CCDC170: variants seen among roughly 807,000 people sequenced by gnomAD.
The protein encoded by CCDC170 is coiled-coil domain containing 170.
A neutral mutation model predicts 72.6 loss-of-function variants in CCDC170; 69 were observed. The ratio of observed to expected loss-of-function variants is 0.95; its 90% CI spans 0.78 to 1.16. The LOEUF is 1.16. Among genes scored for constraint, CCDC170 ranks in the 50% most tolerant of loss-of-function variants. CCDC170 has a pLI of 0.00. For synonymous variants in CCDC170, 300 were observed against 303.9 expected (o/e 0.99, Z 0.13); for missense variants, 852 against 832.5 (o/e 1.02, Z -0.29).
chr6:151,542,584 C>T (rs993966368), intron 3 of CCDC170, among the ~76,000 whole-genome samples: 1 of 152,206 alleles, frequency 6.6e-6, no homozygotes, highest in African/African-American at 2.4e-5. Context: ...TGTACTCAAT[C>T]ACTTTGGCTA....
intron 1 of CCDC170, among the ~76,000 whole-genome samples, chr6:151,518,220 T>C (rs939063040): frequency 1.3e-5 from 2 of 152,126 alleles, no homozygotes; most frequent in Non-Finnish European, 2.9e-5. Flanking sequence ...CAGGCTGAGA[T>C]GGAGTGTTGC....
At chr6:151,520,175 A>G (rs1267709923) in intron 1 of CCDC170, among the ~76,000 whole-genome samples, 1 of 152,188 alleles carries the variant, frequency 6.6e-6, no homozygotes, top group Non-Finnish European at 1.5e-5. Flanking sequence ...TGAGTAGGGG[A>G]GGGAGGAAGA....
At chr6:151,596,185 C>T in intron 8 of CCDC170, 150 bp from the exon 9 acceptor site, 2 of 966,992 alleles carry the variant, frequency 2.1e-6, no homozygotes, top group Non-Finnish European at 2.9e-6. Context: ...GTAAAAAATG[C>T]AATCAGGAAA....
chr6:151,504,787 C>T (rs996856210), intron 1 of CCDC170, among the ~76,000 whole-genome samples: 5 of 151,744 alleles, frequency 3.3e-5, no homozygotes, highest in Admixed American at 2.0e-4. Context: ...TTGGGAGCTA[C>T]TAGATACTGG....
chr6:151,581,140 A>G (rs938946897), intron 6 of CCDC170, among the ~76,000 whole-genome samples: 7 of 152,220 alleles, frequency 4.6e-5, no homozygotes, highest in African/African-American at 1.4e-4. Flanking sequence ...ATTTCTTAAA[A>G]TAAGACAACA....
At position 151,620,996 on chromosome 6, in the gene CCDC170, T is replaced by A. The variant is rs1013278988; in HGVS notation, c.*2849T>A. The A allele has an allele frequency of 4.6e-5, 7 of 152,218 alleles. No homozygotes were observed. The highest frequency in any genetic ancestry group is 1.7e-4 in the African/African-American group (7 of 41,458). The allele number at this position is 152,218 out of a possible 1,614,324, so 9.4% of individuals were successfully genotyped here. A position where few individuals can be genotyped will look rare whatever the true frequency, so the allele number is the denominator to read the frequency against. ...GTGATCTTTAACATACACAGAATGA[T>A]CTACAGTGATCTTTAACATACTCAG... is the stretch of plus-strand genomic sequence containing the variant. On this transcript the variant is annotated 3_prime_UTR_variant, in exon 11 of 11. Transcript: ENST00000239374.
rs929577845 is a variant in CCDC170 at position 151,494,076 on chromosome 6, C to T, written c.-53C>T. On this transcript the variant is annotated 5_prime_UTR_variant, in exon 1 of 11. Transcript: ENST00000239374. ...GCCACCCGCCGGCTCCCGGCGCCGC[C>T]GCTTCCTCAGGGCCGGTTCCGGGTC... 2.8e-6 allele frequency: 4 copies of T among 1,445,822 alleles called. No homozygotes were observed. The highest frequency in any genetic ancestry group is 2.8e-5 in the Admixed American group (1 of 36,178). 89.6% of individuals were successfully genotyped at this position (1,445,822 alleles called of 1,614,324 possible).
At chr6:151,565,429 G>A (rs1042873308) in intron 5 of CCDC170, among the ~76,000 whole-genome samples, 11 of 152,156 alleles carry the variant, frequency 7.2e-5, no homozygotes, top group Non-Finnish European at 1.2e-4. Flanking sequence ...GACGCTGCAG[G>A]TCTGTCACTC....
chr6:151,592,240 A>G (rs905930870), intron 7 of CCDC170, among the ~76,000 whole-genome samples: 1 of 152,084 alleles, frequency 6.6e-6, no homozygotes, highest in African/African-American at 2.4e-5. Context: ...CGTGCCTGTA[A>G]TCCCAGCTAC....
intron 6 of CCDC170, among the ~76,000 whole-genome samples, chr6:151,584,601 G>GT (rs983132313): frequency 3.9e-5 from 6 of 152,102 alleles, no homozygotes; most frequent in Non-Finnish European, 7.4e-5. Context: ...ACAGGGGATT[G>GT]TTTTTTGCCT....
intron 1 of CCDC170, 112 bp from the exon 2 acceptor site, chr6:151,536,206 A>G: frequency 1.6e-6 from 2 of 1,225,512 alleles, no homozygotes; most frequent in East Asian, 2.4e-5. Flanking sequence ...CATGTTTGAC[A>G]TATTTGGAAT....
intron 1 of CCDC170, among the ~76,000 whole-genome samples, chr6:151,519,335 G>C (rs1455265895): frequency 1.3e-5 from 2 of 152,194 alleles, no homozygotes; most frequent in Non-Finnish European, 2.9e-5. Flanking sequence ...TCTGCAAGAA[G>C]AAAAATATGG....
intron 7 of CCDC170, among the ~76,000 whole-genome samples, chr6:151,587,547 A>G (rs1776472031): frequency 6.6e-6 from 1 of 152,174 alleles, no homozygotes; most frequent in Non-Finnish European, 1.5e-5. Flanking sequence ...AAATGCCCTA[A>G]AGTTGAAACA....
Position 151,561,065 on chromosome 6 carries a change from A to AT in CCDC170, c.775-12100dup, listed in dbSNP as rs554918665. Among the ~76,000 whole-genome samples the AT allele has an allele frequency of 1.4e-3, 219 of 151,034 alleles. 2 individuals are homozygous for AT. Among genetic ancestry groups the AT allele is most frequent in the Admixed American group, 0.012 (177 of 15,158 alleles). Reference sequence around the variant, plus strand: ...AATTATTTTAATTTTTATCTAGTAAATTTTTTTTTAAAATTGTGTGGGTAC... The same window carrying AT: ...AATTATTTTAATTTTTATCTAGTAAATTTTTTTTTTAAAATTGTGTGGGTAC... On this transcript the variant is annotated intron_variant, in intron 5 of 10. Transcript: ENST00000239374.
intron 1 of CCDC170, among the ~76,000 whole-genome samples, chr6:151,535,321 CAGTGGAGCTG>C (rs1184208988): frequency 1.3e-5 from 2 of 152,140 alleles, no homozygotes; most frequent in Non-Finnish European, 2.9e-5. Flanking sequence ...CTGCAACCAC[CAGTGGAGCTG>C]AGACCTGTTC....
chr6:151,500,230 G>A (rs76359953), intron 1 of CCDC170, among the ~76,000 whole-genome samples: 2 of 88,322 alleles, frequency 2.3e-5, no homozygotes, highest in South Asian at 3.4e-4. Flanking sequence ...TTTTTTTTTT[G>A]TTCTACTCCT....
chr6:151,588,455 T>G (rs919337845), intron 7 of CCDC170, among the ~76,000 whole-genome samples: 3 of 152,136 alleles, frequency 2.0e-5, no homozygotes, highest in Admixed American at 2.0e-4. Flanking sequence ...GGGAGCCCAG[T>G]TGGTGGCTCC....
At chr6:151,613,912 C>A (rs560075032) in intron 9 of CCDC170, among the ~76,000 whole-genome samples, 1 of 152,280 alleles carries the variant, frequency 6.6e-6, no homozygotes, top group South Asian at 2.1e-4. Flanking sequence ...TAAAAACTGG[C>A]AAACTATTTT....
chr6:151,514,491 A>G (rs771793895), intron 1 of CCDC170, among the ~76,000 whole-genome samples: 4 of 151,966 alleles, frequency 2.6e-5, no homozygotes, highest in Non-Finnish European at 4.4e-5. Flanking sequence ...CCCAGTGGAG[A>G]AGCAGCTTGT....
Sources: gnomAD v4.1 joint callset for allele counts (sites outside exome capture counted in the v4.1 genomes callset) on GRCh38, gnomAD v4.1.1 for gene constraint, MANE v1.5 for transcripts, NCBI Gene and HGNC (gene_info 2026-07-23, HGNC 2026-07-21) for gene names.